FANCA: variants seen among roughly 807,000 people sequenced by gnomAD.
The protein encoded by FANCA is Fanconi anemia group A protein.
A neutral mutation model predicts 194.3 loss-of-function variants in FANCA; 236 were observed. The ratio of observed to expected loss-of-function variants is 1.21; its 90% CI spans 1.09 to 1.35. The LOEUF (loss-of-function observed/expected upper bound fraction) is 1.35, where lower values mean the gene tolerates loss of function less well. Among genes scored for constraint, FANCA ranks in the 40% most tolerant of loss-of-function variants. FANCA has a pLI of 0.00. For missense variants in FANCA, 2,628 were observed against 1,813.9 expected (o/e 1.45, Z -8.15); for synonymous variants, 1,014 against 715.8 (o/e 1.42, Z -6.65).
intron 37 of FANCA, 38 bp from the exon 38 acceptor site, chr16:89,740,904 T>C (rs370471310): frequency 1.3e-6 from 2 of 1,542,398 alleles, no homozygotes; most frequent in Non-Finnish European, 1.8e-6. Flanking sequence ...TACATTAAAA[T>C]TACCTGTGCT....
intron 11 of FANCA, among the ~76,000 whole-genome samples, chr16:89,795,011 A>C (rs1435015675): frequency 6.6e-6 from 1 of 152,166 alleles, no homozygotes; most frequent in Non-Finnish European, 1.5e-5. Context: ...GCGGCTGGGC[A>C]CAGCGGCACA....
chr16:89,815,808 T>C, intron 2 of FANCA, 69 bp downstream of exon 2: 1 of 1,215,518 alleles, frequency 8.2e-7, no homozygotes, highest in Non-Finnish European at 1.2e-6. Context: ...TTAGGAAAGC[T>C]GTGCGGTGGC....
chr16:89,770,232 C>G lies in FANCA; in HGVS notation c.2250G>C (p.Val750=), dbSNP rs780964863. 1 of 1,587,878 alleles carries G rather than the reference C, an allele frequency of 6.3e-7. No homozygotes were observed. Among genetic ancestry groups the G allele is most frequent in the East Asian group, 2.3e-5 (1 of 44,032 alleles). ...GGAGCACACGTCCACACATGGTCCT[C>G]ACGAAGAGGGCAGCCCAGGGACCCT... ...ERQGPWAALF[V]RTMCGRVLPA... Residue 750 remains valine, a synonymous_variant, in exon 25 of 43, where the codon GTG becomes GTC. Coordinates refer to ENST00000389301, the MANE Select transcript of FANCA (RefSeq NM_000135.4).
intron 30 of FANCA, 62 bp from the exon 31 acceptor site, chr16:89,752,284 TCTC>T (rs1433893569): frequency 1.9e-5 from 26 of 1,338,396 alleles, no homozygotes; most frequent in Non-Finnish European, 2.8e-5. Context: ...AGTTCCCAGT[TCTC>T]CTCCTGCCTC....
At chr16:89,791,814 G>T in intron 13 of FANCA, 113 bp downstream of exon 13, 1 of 1,376,664 alleles carries the variant, frequency 7.3e-7, no homozygotes, top group Non-Finnish European at 1.0e-6. Context: ...GCAGGTTCCG[G>T]GCAGGTAGGG....
At chr16:89,793,439 C>A (rs1274547823) in intron 11 of FANCA, among the ~76,000 whole-genome samples, 2 of 152,146 alleles carry the variant, frequency 1.3e-5, no homozygotes, top group Non-Finnish European at 1.5e-5. Context: ...TATAATATTG[C>A]AATAAACAGT....
chr16:89,768,334 T>G (rs2039200385), intron 26 of FANCA, among the ~76,000 whole-genome samples: 1 of 152,214 alleles, frequency 6.6e-6, no homozygotes, highest in South Asian at 2.1e-4. Flanking sequence ...GTCAAAGCAC[T>G]GTCATGGTGT....
At chr16:89,770,349 A>G in intron 24 of FANCA, 90 bp from the exon 25 acceptor site, 2 of 1,256,458 alleles carry the variant, frequency 1.6e-6, no homozygotes, top group South Asian at 1.3e-5. Context: ...GGCCGAAGAA[A>G]GAGCCAAGCT....
At position 89,746,902 on chromosome 16, in the gene FANCA, T is replaced by A; in HGVS notation, c.3349-12A>T. On this transcript the variant is annotated splice_polypyrimidine_tract_variant and intron_variant, in intron 33 of 42. Coordinates refer to ENST00000389301, the MANE Select transcript of FANCA (RefSeq NM_000135.4). ...GAGCAGAAGTTTCTCTGCAAAAGAG[T>A]TCAAGGCAGGTAAGAAAAGCCCACA... The A allele has an allele frequency of 1.3e-6, 2 of 1,552,678 alleles. No homozygotes were observed. Among genetic ancestry groups the A allele is most frequent in the Non-Finnish European group, 1.7e-6 (2 of 1,147,738 alleles).
intron 11 of FANCA, 61 bp from the exon 12 acceptor site, chr16:89,792,608 T>A (rs17232539): frequency 6.3e-6 from 3 of 475,492 alleles, no homozygotes; most frequent in Non-Finnish European, 7.8e-6. Flanking sequence ...TGGGTTTTTG[T>A]TAAGGACCAG....
At position 89,764,856 on chromosome 16, in the gene FANCA, G is replaced by T. The variant is rs780197902; in HGVS notation, c.2778+34C>A. On this transcript the variant is annotated intron_variant, in intron 28 of 42. Transcript: ENST00000389301. ...CACACACAAACCCTAGACTCAGGAC[G>T]TGGCATGATGCAGGAGAAGGAACGG... 1.9e-6 allele frequency: 3 copies of T among 1,609,272 alleles called. No homozygotes were observed. The South Asian group carries it at 3.3e-5, about 18-fold the overall frequency.
At chr16:89,748,573 C>G (rs967111885) in intron 33 of FANCA, 86 bp downstream of exon 33, 10 of 1,012,264 alleles carry the variant, frequency 9.9e-6, no homozygotes, top group African/African-American at 1.6e-5. Context: ...TTCACACGGT[C>G]AGTACACGCA....
At chr16:89,799,549 T>C (rs965647065) in intron 9 of FANCA, 56 bp downstream of exon 9, 4 of 1,509,190 alleles carry the variant, frequency 2.7e-6, no homozygotes, top group African/African-American at 1.4e-5. Flanking sequence ...ACTGATACAA[T>C]TGCTAATAAG....
intron 26 of FANCA, 62 bp from the exon 27 acceptor site, chr16:89,767,299 GT>G: frequency 1.7e-6 from 2 of 1,211,644 alleles, no homozygotes; most frequent in Non-Finnish European, 2.4e-6. Context: ...GAAGGAAAAA[GT>G]TACTTTGAAT....
intron 6 of FANCA, among the ~76,000 whole-genome samples, chr16:89,806,347 C>CTTTTTTT (rs34862478): frequency 1.0e-4 from 11 of 110,400 alleles, no homozygotes; most frequent in East Asian, 3.1e-4. Flanking sequence ...CTATATCATT[C>CTTTTTTT]TTTTTTTTTT....
rs17227417 is a variant in FANCA at position 89,738,314 on chromosome 16, C to T, written c.*287G>A. ...CAGTGGCTGTGTCAGCCTCACCCTT[C>T]GTGTGCACCCGCATGGGAGGGTCGG... On this transcript the variant is annotated 3_prime_UTR_variant, in exon 43 of 43. Transcript: ENST00000389301. 5.0e-3 allele frequency: 7,553 copies of T among 1,521,468 alleles called. 180 individuals are homozygous for T. In the African/African-American group the frequency reaches 0.068, roughly 14 times the overall value. The allele number at this position is 1,521,468 out of a possible 1,614,324, so 94.2% of individuals were successfully genotyped here. A position where few individuals can be genotyped will look rare whatever the true frequency, so the allele number is the denominator to read the frequency against.
rs1160471115 is a variant in FANCA, at chr16:89,815,978, C to T, written c.88G>A (p.Val30Ile). ...TCAGGATTATATTTTTCCCTCTTGA[C>T]CCTTCCCGCTACGGAGAGAAGTCGG... The part of the protein sequence containing the change: ...RAWAELLAGR[V>I]KREKYNPERA... Residue 30 changes from valine to isoleucine, a missense_variant, in exon 2 of 43, where the codon GTC becomes ATC. Physicochemically the swap from Val to Ile is conservative, Grantham distance 29. Coordinates refer to ENST00000389301, the MANE Select transcript of FANCA (RefSeq NM_000135.4). 9 of 1,613,084 alleles carry T rather than the reference C, an allele frequency of 5.6e-6. No individual in the cohort carries two copies. The highest frequency in any genetic ancestry group is 1.3e-5 in the African/African-American group (1 of 74,916).
intron 5 of FANCA, chr16:89,810,474 A>G (rs17232204): frequency 3.8e-5 from 20 of 526,526 alleles, no homozygotes; most frequent in African/African-American, 3.4e-4. Flanking sequence ...TTTTCAATAT[A>G]TTCTAGTCTA....
intron 25 of FANCA, 60 bp from the exon 26 acceptor site, chr16:89,770,084 G>C: frequency 6.3e-7 from 1 of 1,590,606 alleles, no homozygotes. Context: ...AATTTTCCAG[G>C]GCACTGAAGA....
Sources: gnomAD v4.1 joint callset for allele counts (sites outside exome capture counted in the v4.1 genomes callset) on GRCh38, gnomAD v4.1.1 for gene constraint, MANE v1.5 for transcripts, NCBI Gene and HGNC (gene_info 2026-07-23, HGNC 2026-07-21) for gene names.